Variants in ADTRP observed in about 807,000 individuals in gnomAD.
ADTRP encodes the protein androgen dependent TFPI regulating protein, also known as androgen-dependent TFPI-regulating protein.
A neutral mutation model predicts 27.0 loss-of-function variants in ADTRP; 20 were observed. The observed-to-expected ratio is 0.74, with a 90% CI of 0.52 to 1.08. The LOEUF (loss-of-function observed/expected upper bound fraction) is 1.08. Among genes scored for constraint, ADTRP ranks in the 50% least tolerant of loss-of-function variants. The probability of loss-of-function intolerance (pLI) is 0.00; values close to 1 mark genes in which losing one functional copy is unlikely to be tolerated. For synonymous variants in ADTRP, 101 were observed against 105.2 expected (o/e 0.96, Z 0.25); for missense variants, 251 against 275.0 (o/e 0.91, Z 0.62).
chr6:11,722,070 C>G (rs1358515723), intron 5 of ADTRP, among the ~76,000 whole-genome samples: 8 of 151,762 alleles, frequency 5.3e-5, no homozygotes, highest in Admixed American at 3.3e-4. Flanking sequence ...AAATCTTTAC[C>G]CAGAACTTCA....
intron 3 of ADTRP, among the ~76,000 whole-genome samples, chr6:11,759,691 C>T (rs1256251089): frequency 6.6e-6 from 1 of 152,120 alleles, no homozygotes; most frequent in Non-Finnish European, 1.5e-5. Context: ...ATGTCCTAAT[C>T]CCTGGAACCC....
At chr6:11,731,343 A>T (rs962337675) in intron 4 of ADTRP, among the ~76,000 whole-genome samples, 4 of 152,170 alleles carry the variant, frequency 2.6e-5, no homozygotes. Context: ...CACTATTGTC[A>T]AGAATGACAT....
rs773496183 is a variant in ADTRP, at chr6:11,768,314, C to CT, written c.222dup (p.Asp75ArgfsTer3). 6.2e-7 allele frequency: 1 copy of CT among 1,614,106 alleles called. No homozygotes were observed. Among genetic ancestry groups the CT allele is most frequent in the Non-Finnish European group, 8.5e-7 (1 of 1,180,050 alleles). On this transcript the variant is annotated frameshift_variant, in exon 2 of 6. Coordinates refer to ENST00000414691, the MANE Select transcript of ADTRP (RefSeq NM_032744.4). LOFTEE classifies it high-confidence loss of function. The stretch of plus-strand genomic sequence containing the variant: ...CTGAAGGCAGTTAGGAACTTAATGT[C>CT]TTTTCCCCCTTTGGTTCTTTTCAGC...
intron 3 of ADTRP, among the ~76,000 whole-genome samples, chr6:11,753,077 A>G (rs139132902): frequency 7.0e-4 from 106 of 152,340 alleles, no homozygotes; most frequent in African/African-American, 2.2e-3. Context: ...CAGCAAGGCA[A>G]TGGCAGAAAT....
At chr6:11,755,909 T>C (rs9368864) in intron 3 of ADTRP, among the ~76,000 whole-genome samples, 53,658 of 152,086 alleles carry the variant, frequency 0.35, 12,069 homozygotes, top group East Asian at 0.65. Flanking sequence ...GCCTTCCCCT[T>C]GGGATGCCAT....
chr6:11,720,959 C>T (rs532547396), intron 5 of ADTRP, among the ~76,000 whole-genome samples: 20 of 152,118 alleles, frequency 1.3e-4, no homozygotes, highest in South Asian at 2.1e-4. Flanking sequence ...ATTGAGGCAA[C>T]GAGAAAGCTA....
At chr6:11,722,676 A>G (rs1170110946) in intron 5 of ADTRP, among the ~76,000 whole-genome samples, 1 of 152,140 alleles carries the variant, frequency 6.6e-6, no homozygotes. Context: ...GGAGAATGAA[A>G]TCTTCCATTT....
chr6:11,762,606 C>T (rs889824245), intron 3 of ADTRP, among the ~76,000 whole-genome samples: 6 of 152,090 alleles, frequency 3.9e-5, no homozygotes, highest in Non-Finnish European at 1.5e-5. Flanking sequence ...TTTTTCAGTT[C>T]TAAGACTCTG....
intron 1 of ADTRP, among the ~76,000 whole-genome samples, chr6:11,774,069 G>A (rs1763870958): frequency 6.6e-6 from 1 of 152,142 alleles, no homozygotes; most frequent in African/African-American, 2.4e-5. Context: ...AGCACTTTGG[G>A]AGGCCAAGGC....
chr6:11,729,848 C>T (rs1164343097), intron 4 of ADTRP, among the ~76,000 whole-genome samples: 5 of 152,146 alleles, frequency 3.3e-5, no homozygotes, highest in African/African-American at 2.4e-5. Context: ...AATTCATTTT[C>T]ATCTATCAAT....
intron 3 of ADTRP, among the ~76,000 whole-genome samples, chr6:11,743,414 C>T (rs1762776823): frequency 1.3e-5 from 2 of 152,310 alleles, no homozygotes; most frequent in South Asian, 4.2e-4. Flanking sequence ...ACTCTGCTCT[C>T]CCACCTGAAG....
At chr6:11,731,907 A>T (rs1322180249) in intron 4 of ADTRP, among the ~76,000 whole-genome samples, 1 of 152,214 alleles carries the variant, frequency 6.6e-6, no homozygotes, top group Non-Finnish European at 1.5e-5. Context: ...ACCATGTGTT[A>T]GGGAAAATAT....
intron 4 of ADTRP, among the ~76,000 whole-genome samples, chr6:11,724,322 C>A (rs975349809): frequency 6.6e-6 from 1 of 152,086 alleles, no homozygotes; most frequent in East Asian, 1.9e-4. Flanking sequence ...GCGTTATTGC[C>A]CTAACACAAT....
intron 4 of ADTRP, among the ~76,000 whole-genome samples, chr6:11,725,681 T>C (rs1289122713): frequency 2.0e-5 from 3 of 152,070 alleles, no homozygotes; most frequent in Non-Finnish European, 2.9e-5. Flanking sequence ...CACTTCTGGG[T>C]ACACACCCAA....
At chr6:11,744,816 T>C (rs992879589) in intron 3 of ADTRP, among the ~76,000 whole-genome samples, 1 of 152,220 alleles carries the variant, frequency 6.6e-6, no homozygotes, top group Non-Finnish European at 1.5e-5. Flanking sequence ...AAGCATGGGA[T>C]CTACTCTCAC....
At chr6:11,726,929 A>C in intron 4 of ADTRP, among the ~76,000 whole-genome samples, 1 of 152,124 alleles carries the variant, frequency 6.6e-6, no homozygotes, top group Non-Finnish European at 1.5e-5. Flanking sequence ...TGCTGGTATC[A>C]CTCTGCTTTC....
intron 1 of ADTRP, 117 bp downstream of exon 1, chr6:11,778,485 ACGGTG>A: frequency 7.4e-7 from 1 of 1,343,000 alleles, no homozygotes; most frequent in South Asian, 1.7e-5. Context: ...AACTCACAAA[ACGGTG>A]AAGAAGGAAG....
At chr6:11,737,817 G>C (rs1255479225) in intron 3 of ADTRP, among the ~76,000 whole-genome samples, 1 of 142,350 alleles carries the variant, frequency 7.0e-6, no homozygotes, top group Non-Finnish European at 1.6e-5. Flanking sequence ...GGTTGGTCCT[G>C]AACATACTGA....
At chr6:11,771,886 C>T (rs1763791757) in intron 1 of ADTRP, among the ~76,000 whole-genome samples, 1 of 152,176 alleles carries the variant, frequency 6.6e-6, no homozygotes, top group Admixed American at 6.5e-5. Flanking sequence ...AGGACAGAGG[C>T]CTCAGGAGAA....
Sources: gnomAD v4.1 joint callset for allele counts (sites outside exome capture counted in the v4.1 genomes callset) on GRCh38, gnomAD v4.1.1 for gene constraint, MANE v1.5 for transcripts, NCBI Gene and HGNC (gene_info 2026-07-23, HGNC 2026-07-21) for gene names.